TRIM32: variants seen among roughly 807,000 people sequenced by gnomAD.
TRIM32 encodes tripartite motif containing 32.
TRIM32 carries 19 observed loss-of-function variants against 36.0 expected under a neutral mutation model. That is an observed-to-expected ratio of 0.53 (90% CI 0.37 to 0.77). The LOEUF is 0.77. TRIM32 is among the 30% of genes least tolerant of loss of function. TRIM32 has a pLI of 0.00. For synonymous variants in TRIM32, 309 were observed against 318.5 expected (o/e 0.97, Z 0.32); for missense variants, 747 against 845.2 (o/e 0.88, Z 1.44).
At chr9:116,697,576 G>C (rs1177441911) in intron 1 of TRIM32, 86 bp from the exon 2 acceptor site, 2 of 844,692 alleles carry the variant, frequency 2.4e-6, no homozygotes, top group Admixed American at 4.7e-5. Context: ...CTGAATGACT[G>C]GTCATAGCTA....
At chr9:116,687,776 G>A (rs1229229057) in intron 1 of TRIM32, among the ~76,000 whole-genome samples, 4 of 152,012 alleles carry the variant, frequency 2.6e-5, no homozygotes, top group African/African-American at 9.7e-5. Flanking sequence ...AGGAACTGGG[G>A]GGCCCCGATG....
Position 116,698,615 on chromosome 9 carries a change from T to G in TRIM32, c.873T>G (p.Ile291Met), listed in dbSNP as rs766687896. 1.2e-6 allele frequency: 2 copies of G among 1,614,058 alleles called. No individual in the cohort carries two copies. Among genetic ancestry groups the G allele is most frequent in the Admixed American group, 3.3e-5 (2 of 60,012 alleles). ...LKVGHVGPLQ[I>M]GQAVKKPRTV... ...TAGGTCATGTTGGCCCCCTCCAAAT[T>G]GGACAAGCTGTTAAGAAGCCCCGGA... The change falls in exon 2 of 2, where the codon ATT becomes ATG. Residue 291 changes from isoleucine (I) to methionine (M), a missense_variant. Coordinates refer to ENST00000450136, the MANE Select transcript of TRIM32 (RefSeq NM_012210.4). The surrounding 1 kb of genome is among the most constrained non-coding windows in gnomAD (Gnocchi z 4.4).
chr9:116,691,644 T>C (rs148367669), intron 1 of TRIM32, among the ~76,000 whole-genome samples: 338 of 152,334 alleles, frequency 2.2e-3, no homozygotes, highest in African/African-American at 7.8e-3. Context: ...AGCCCCTACT[T>C]GTTGAGTTTA....
In TRIM32 at chr9:116,698,970, A is replaced by T. The variant is rs1330450368; in HGVS notation, c.1228A>T (p.Ser410Cys). 1 of 1,614,196 alleles carries T rather than the reference A, an allele frequency of 6.2e-7. No homozygotes were observed. The highest frequency in any genetic ancestry group is 8.5e-7 in the Non-Finnish European group (1 of 1,180,042). The change falls in exon 2 of 2, where the codon AGC becomes TGC. Residue 410 changes from serine (S) to cysteine (C), a missense_variant. Ser to Cys is a moderately radical substitution (Grantham distance 112). Coordinates refer to ENST00000450136, the MANE Select transcript of TRIM32 (RefSeq NM_012210.4). This position sits in a 1 kb window ranked among gnomAD's most constrained non-coding sequence, Gnocchi z 4.4. ...RKGFLKEIRR[S>C]PSGIDSFVLS... ...AGGCTTTTTGAAGGAAATCCGCCGC[A>T]GCCCCAGTGGCATTGATAGCTTTGT...
intron 1 of TRIM32, among the ~76,000 whole-genome samples, chr9:116,687,910 G>A (rs1245123919): frequency 1.3e-5 from 2 of 151,882 alleles, no homozygotes; most frequent in Non-Finnish European, 2.9e-5. Flanking sequence ...CTGAGGGTGA[G>A]ATTGAGGGGG....
At position 116,697,543 on chromosome 9, in the gene TRIM32, A is replaced by G. The variant is rs552899331; in HGVS notation, c.-81-119A>G. 18 of 672,416 alleles carry G rather than the reference A, an allele frequency of 2.7e-5. No homozygotes were observed. In the Admixed American group the frequency reaches 3.9e-4, roughly 14 times the overall value. The allele number at this position is 672,416 out of a possible 1,614,324, so 41.7% of individuals were successfully genotyped here. On this transcript the variant is annotated intron_variant, in intron 1 of 1. Transcript: ENST00000450136. ...GTGACATATAATAGACCTCAATAAA[A>G]TAGTTGTTAAGTAAGGGAATGACTG...
intron 1 of TRIM32, among the ~76,000 whole-genome samples, chr9:116,691,498 C>T (rs890500298): frequency 6.6e-6 from 1 of 152,174 alleles, no homozygotes; most frequent in African/African-American, 2.4e-5. Flanking sequence ...ATTTAGCCTG[C>T]CCTTGACATA....
chr9:116,698,003 T>TA lies in TRIM32; in HGVS notation c.262dup (p.Thr88AsnfsTer34). On this transcript the variant is annotated frameshift_variant, in exon 2 of 2. Transcript: ENST00000450136. LOFTEE classifies it high-confidence loss of function. The surrounding 1 kb of genome is among the most constrained non-coding windows in gnomAD (Gnocchi z 4.4). ...ATCTGACAGTGCTAAAGATCATTGATACAGCTGGGCTCAGCGAGGCTGTGG... is the reference window on the plus strand; with the variant it reads ...ATCTGACAGTGCTAAAGATCATTGATAACAGCTGGGCTCAGCGAGGCTGTGG... 1 of 1,614,178 alleles carries TA rather than the reference T, an allele frequency of 6.2e-7. No homozygotes were observed. Among genetic ancestry groups the TA allele is most frequent in the Non-Finnish European group, 8.5e-7 (1 of 1,180,040 alleles).
At chr9:116,694,457 C>CTTTTTT in intron 1 of TRIM32, among the ~76,000 whole-genome samples, 1 of 60,384 alleles carries the variant, frequency 1.7e-5, no homozygotes, top group Non-Finnish European at 3.0e-5. Context: ...GTTGTAATTT[C>CTTTTTT]TCTTTTTTTT....
At chr9:116,692,043 C>T (rs1271675542) in intron 1 of TRIM32, among the ~76,000 whole-genome samples, 8 of 152,136 alleles carry the variant, frequency 5.3e-5, no homozygotes, top group South Asian at 2.1e-4. Flanking sequence ...TCACCAGTAC[C>T]GTTCACAGGG....
At position 116,698,235 on chromosome 9, in the gene TRIM32, C is replaced by T. The variant is rs1378775801; in HGVS notation, c.493C>T (p.Arg165Trp). The stretch of plus-strand genomic sequence containing the variant: ...GCGGGAACTTATGGGGGAGCTGCAG[C>T]GGCGGAAGGCAGCCTTGGAAGGTGT... ...RLRELMGELQ[R>W]RKAALEGVSK... Residue 165 changes from arginine to tryptophan, a missense_variant, in exon 2 of 2, where the codon CGG becomes TGG. Transcript: ENST00000450136. This position sits in a 1 kb window ranked among gnomAD's most constrained non-coding sequence, Gnocchi z 4.4. The T allele has an allele frequency of 7.4e-6, 12 of 1,613,978 alleles. No homozygotes were observed. The highest frequency in any genetic ancestry group is 1.6e-4 in the Middle Eastern group (1 of 6,084).
rs1368542930 is a variant in TRIM32, at chr9:116,698,692, C to T, written c.950C>T (p.Ser317Phe). ...WAMEATASAA[S>F]TSVTFREMDM... ...ATGGAGGCCACAGCGTCTGCTGCCT[C>T]TACCTCTGTTACTTTTAGAGAGATG... Residue 317 changes from serine to phenylalanine, a missense_variant, in exon 2 of 2, where the codon TCT becomes TTT. Physicochemically the swap from Ser to Phe is radical, Grantham distance 155. Transcript: ENST00000450136. The surrounding 1 kb of genome is among the most constrained non-coding windows in gnomAD (Gnocchi z 4.4). The T allele has an allele frequency of 6.2e-7, 1 of 1,614,206 alleles. No individual in the cohort carries two copies. The highest frequency in any genetic ancestry group is 1.7e-5 in the Admixed American group (1 of 60,032).
intron 1 of TRIM32, among the ~76,000 whole-genome samples, chr9:116,688,895 C>T (rs527395517): frequency 1.3e-5 from 2 of 151,686 alleles, no homozygotes; most frequent in African/African-American, 4.8e-5. Context: ...AAAAAGGGAA[C>T]CCTTAGGTAT....
intron 1 of TRIM32, among the ~76,000 whole-genome samples, chr9:116,690,497 TA>T (rs2132049658): frequency 1.3e-5 from 2 of 152,332 alleles, no homozygotes; most frequent in South Asian, 4.1e-4. Context: ...ATAAGGCCCT[TA>T]AAGTAGATCA....
At chr9:116,696,277 T>G (rs934459229) in intron 1 of TRIM32, among the ~76,000 whole-genome samples, 2 of 152,182 alleles carry the variant, frequency 1.3e-5, no homozygotes, top group African/African-American at 4.8e-5. Flanking sequence ...CTAAGGATAA[T>G]AAAAAAGAGA....
chr9:116,698,824 T>TG lies in TRIM32; in HGVS notation c.1087dup (p.Ala363GlyfsTer22), dbSNP rs1861023658. On this transcript the variant is annotated frameshift_variant, in exon 2 of 2. Coordinates refer to ENST00000450136, the MANE Select transcript of TRIM32 (RefSeq NM_012210.4). LOFTEE classifies it high-confidence loss of function. The surrounding 1 kb of genome is among the most constrained non-coding windows in gnomAD (Gnocchi z 4.4). ...CAGCAGTGCCTCTTTCTCAAGAAGA[T>TG]GGGGGCCAAAGGCAGCACTCCAGGA... 1 of 1,614,176 alleles carries TG rather than the reference T, an allele frequency of 6.2e-7. No individual in the cohort carries two copies. The highest frequency in any genetic ancestry group is 8.5e-7 in the Non-Finnish European group (1 of 1,180,040).
intron 1 of TRIM32, among the ~76,000 whole-genome samples, chr9:116,696,950 T>TG (rs1860888387): frequency 7.3e-6 from 1 of 137,124 alleles, no homozygotes; most frequent in Admixed American, 7.3e-5. Context: ...GTGACATGAT[T>TG]AAAAAAAAAA....
chr9:116,691,456 G>A (rs1440683471), intron 1 of TRIM32, among the ~76,000 whole-genome samples: 3 of 152,194 alleles, frequency 2.0e-5, no homozygotes, highest in Non-Finnish European at 4.4e-5. Flanking sequence ...GAGACAACAG[G>A]CAAGCATGTT....
rs1861099595 is a variant in TRIM32 at position 116,700,141 on chromosome 9, G to C, written c.*437G>C. On this transcript the variant is annotated 3_prime_UTR_variant, in exon 2 of 2. Transcript: ENST00000450136. ...GACACTTTCTCTTGAACTCTGATTG[G>C]ATTCACTGTGCATGCTTCAGTGGGA... The C allele has an allele frequency of 3.9e-6, 1 of 253,488 alleles. No homozygotes were observed. Among genetic ancestry groups the C allele is most frequent in the Admixed American group, 5.2e-5 (1 of 19,166 alleles). 15.7% of individuals were successfully genotyped at this position (253,488 alleles called of 1,614,324 possible).
Sources: gnomAD v4.1 joint callset for allele counts (sites outside exome capture counted in the v4.1 genomes callset) on GRCh38, gnomAD v4.1.1 for gene constraint, Gnocchi (gnomAD v3.1) non-coding constraint, MANE v1.5 for transcripts, NCBI Gene and HGNC (gene_info 2026-07-23, HGNC 2026-07-21) for gene names.